The following CACNA1C variants were observed in gnomAD, a reference collection of about 807,000 sequenced individuals.
CACNA1C encodes calcium voltage-gated channel subunit alpha1 C, also known as voltage-dependent L-type calcium channel subunit alpha-1C.
A neutral mutation model predicts 229.0 loss-of-function variants in CACNA1C; 30 were observed. The observed-to-expected ratio is 0.13, with a 90% CI of 0.10 to 0.18. The LOEUF (loss-of-function observed/expected upper bound fraction) is 0.18. Ranked by LOEUF, CACNA1C falls within the 10% of genes least tolerant of loss-of-function variation. CACNA1C has a pLI of 1.00. For synonymous variants in CACNA1C, 1,114 were observed against 1,132.5 expected (o/e 0.98, Z 0.33); for missense variants, 1,658 against 2,845.0 (o/e 0.58, Z 9.49).
intron 3 of CACNA1C, among the ~76,000 whole-genome samples, chr12:2,325,360 G>A (rs1403009846): frequency 6.6e-6 from 1 of 152,256 alleles, no homozygotes; most frequent in East Asian, 1.9e-4. Flanking sequence ...TACTAGGGGA[G>A]CACCTTGTTT....
At chr12:2,120,111 C>T (rs2085881140) in intron 2 of CACNA1C, among the ~76,000 whole-genome samples, 1 of 152,220 alleles carries the variant, frequency 6.6e-6, no homozygotes, top group Admixed American at 6.5e-5. Flanking sequence ...CGCGACTGGC[C>T]TCCACTGCTT....
chr12:2,283,471 T>C (rs1295784479), intron 3 of CACNA1C, among the ~76,000 whole-genome samples: 1 of 152,134 alleles, frequency 6.6e-6, no homozygotes, highest in Non-Finnish European at 1.5e-5. Context: ...TTACTCTATA[T>C]CCACACTCAG....
At chr12:2,683,358 C>T (rs917216874) in intron 43 of CACNA1C, among the ~76,000 whole-genome samples, 1 of 152,178 alleles carries the variant, frequency 6.6e-6, no homozygotes, top group Non-Finnish European at 1.5e-5. Flanking sequence ...CCTTGAGAAA[C>T]ATCTTTATGA....
intron 1 of CACNA1C, among the ~76,000 whole-genome samples, chr12:1,983,500 C>T (rs1030369809): frequency 1.3e-5 from 2 of 151,922 alleles, no homozygotes; most frequent in African/African-American, 4.8e-5. Context: ...CAGAAGTATG[C>T]TGTTTAATTT....
At chr12:2,517,981 T>C (rs1294892503) in intron 9 of CACNA1C, among the ~76,000 whole-genome samples, 1 of 152,230 alleles carries the variant, frequency 6.6e-6, no homozygotes. Flanking sequence ...CAGACATTGA[T>C]GTGGATGAGC....
At chr12:2,473,268 C>A (rs1190452588) in intron 5 of CACNA1C, among the ~76,000 whole-genome samples, 1 of 152,152 alleles carries the variant, frequency 6.6e-6, no homozygotes, top group East Asian at 1.9e-4. Flanking sequence ...CACAGGCAAC[C>A]CCTACACAAA....
intron 3 of CACNA1C, among the ~76,000 whole-genome samples, chr12:2,243,487 G>A (rs997701980): frequency 7.9e-5 from 12 of 152,292 alleles, no homozygotes; most frequent in Middle Eastern, 3.4e-3. Context: ...ATGATAGCAC[G>A]TGTGACTGCT....
intron 1 of CACNA1C, among the ~76,000 whole-genome samples, chr12:2,107,335 T>C (rs1325021871): frequency 4.9e-5 from 5 of 103,060 alleles, no homozygotes; most frequent in Non-Finnish European, 8.3e-5. Context: ...TCAGCTGGGG[T>C]GTGCTGAAAC....
intron 1 of CACNA1C, among the ~76,000 whole-genome samples, chr12:1,999,894 C>T (rs1402784672): frequency 2.0e-5 from 3 of 152,232 alleles, no homozygotes; most frequent in African/African-American, 7.2e-5. Flanking sequence ...AAATGTGGCT[C>T]GTTTGCCCCT....
chr12:2,115,569 G>A (rs1565789107), intron 2 of CACNA1C, 24 bp downstream of exon 2: 3 of 1,610,292 alleles, frequency 1.9e-6, no homozygotes, highest in African/African-American at 1.3e-5. Flanking sequence ...ACCGGGCTGG[G>A]CATGCTCCTG....
In CACNA1C at chr12:2,651,874, TC is replaced by T. The variant is rs1309177175; in HGVS notation, c.4074+108del. ...CCCTCCACTCTGGGGCCCTGCTCCT[TC>T]CTCTGTGTGGCAGAACTCGGCCGCT... On this transcript the variant is annotated intron_variant, in intron 32 of 46. Coordinates refer to ENST00000399655, the MANE Select transcript of CACNA1C (RefSeq NM_000719.7). This position sits in a 1 kb window ranked among gnomAD's most constrained non-coding sequence, Gnocchi z 5.4. 1 of 883,186 alleles carries T rather than the reference TC, an allele frequency of 1.1e-6. No homozygotes were observed. The highest frequency in any genetic ancestry group is 1.7e-6 in the Non-Finnish European group (1 of 593,290). 54.7% of individuals were successfully genotyped at this position (883,186 alleles called of 1,614,324 possible). A position where few individuals can be genotyped will look rare whatever the true frequency, so the allele number is the denominator to read the frequency against.
intron 1 of CACNA1C, among the ~76,000 whole-genome samples, chr12:2,089,861 C>CG (rs1480724588): frequency 9.1e-6 from 1 of 110,126 alleles, no homozygotes; most frequent in Non-Finnish European, 1.9e-5. Flanking sequence ...AGTGAAACCC[C>CG]TACTAAAAAT....
At chr12:2,380,315 A>G (rs1297443406) in intron 3 of CACNA1C, among the ~76,000 whole-genome samples, 1 of 152,208 alleles carries the variant, frequency 6.6e-6, no homozygotes, top group Non-Finnish European at 1.5e-5. Context: ...TTGGCTTTGC[A>G]AGCTTTAACA....
In CACNA1C at chr12:2,595,801, C is replaced by T. The variant is rs2067891746; in HGVS notation, c.2664-73C>T. On this transcript the variant is annotated intron_variant, in intron 19 of 46. Transcript: ENST00000399655. This position sits in a 1 kb window ranked among gnomAD's most constrained non-coding sequence, Gnocchi z 4.1. Reference sequence around the variant, plus strand: ...TGCTGGGGAGAGCTGAGGAGAGGGGCTCCCAAGAGCCGACTGGTGCTTCCC... The same window carrying T: ...TGCTGGGGAGAGCTGAGGAGAGGGGTTCCCAAGAGCCGACTGGTGCTTCCC... 1.4e-6 allele frequency: 2 copies of T among 1,476,438 alleles called. No individual in the cohort carries two copies. Among genetic ancestry groups the T allele is most frequent in the East Asian group, 2.3e-5 (1 of 43,478 alleles). 91.5% of individuals were successfully genotyped at this position (1,476,438 alleles called of 1,614,324 possible). A position where few individuals can be genotyped will look rare whatever the true frequency, so the allele number is the denominator to read the frequency against.
chr12:2,246,519 A>G (rs565573017), intron 3 of CACNA1C, among the ~76,000 whole-genome samples: 1 of 152,200 alleles, frequency 6.6e-6, no homozygotes, highest in African/African-American at 2.4e-5. Context: ...TTCCTGTGTA[A>G]TAGGCACTCC....
chr12:2,399,112 G>A (rs1302316899), intron 3 of CACNA1C, among the ~76,000 whole-genome samples: 1 of 152,180 alleles, frequency 6.6e-6, no homozygotes, highest in Non-Finnish European at 1.5e-5. Flanking sequence ...AGGGGAGCAT[G>A]CAGGTGAGTG....
chr12:2,074,383 C>T (rs1276263223), intron 1 of CACNA1C, among the ~76,000 whole-genome samples: 1 of 152,152 alleles, frequency 6.6e-6, no homozygotes, highest in East Asian at 1.9e-4. Flanking sequence ...TGTCTCATTG[C>T]ATTGTTTACT....
chr12:2,649,556 T>C lies in CACNA1C; in HGVS notation c.3945+1049T>C, dbSNP rs750959483. The stretch of plus-strand genomic sequence containing the variant: ...TATTTGGTTTATTAGAGCAAATTGG[T>C]GCATCCGAATGGCAGTGAGTTTATT... On this transcript the variant is annotated intron_variant, in intron 31 of 46. Coordinates refer to ENST00000399655, the MANE Select transcript of CACNA1C (RefSeq NM_000719.7). This position sits in a 1 kb window ranked among gnomAD's most constrained non-coding sequence, Gnocchi z 4.4. Among the ~76,000 whole-genome samples, 3 of 152,208 alleles carry C rather than the reference T, an allele frequency of 2.0e-5. No individual in the cohort carries two copies. The highest frequency in any genetic ancestry group is 4.4e-5 in the Non-Finnish European group (3 of 68,034).
chr12:2,253,328 G>T (rs1447721067), intron 3 of CACNA1C, among the ~76,000 whole-genome samples: 5 of 152,182 alleles, frequency 3.3e-5, no homozygotes, highest in Admixed American at 6.5e-5. Context: ...CTTTTGGTTT[G>T]ATTTAATCTG....
Sources: gnomAD v4.1 joint callset for allele counts (sites outside exome capture counted in the v4.1 genomes callset) on GRCh38, gnomAD v4.1.1 for gene constraint, Gnocchi (gnomAD v3.1) non-coding constraint, MANE v1.5 for transcripts, NCBI Gene and HGNC (gene_info 2026-07-23, HGNC 2026-07-21) for gene names.